Variants in GALNT13 observed in about 807,000 individuals in gnomAD.
The protein encoded by GALNT13 is polypeptide N-acetylgalactosaminyltransferase 13, also known as UDP-GalNAc:polypeptide N-acetylgalactosaminyltransferase 13.
GALNT13 carries 28 observed loss-of-function variants against 64.2 expected under a neutral mutation model. The ratio of observed to expected loss-of-function variants is 0.44; its 90% confidence interval spans 0.32 to 0.60. The LOEUF (loss-of-function observed/expected upper bound fraction) is 0.60. Ranked by LOEUF, GALNT13 falls within the 20% of genes least tolerant of loss-of-function variation. The pLI is 0.05. For missense variants in GALNT13, 577 were observed against 669.8 expected, an observed-to-expected ratio of 0.86 and a Z score of 1.53; for synonymous variants, 214 against 224.6, an observed-to-expected ratio of 0.95 and a Z score of 0.42.
At chr2:153,489,122 A>T in the GALNT13 span, among the ~76,000 whole-genome samples, 1 of 152,286 alleles carries the variant, frequency 6.6e-6, no homozygotes, top group South Asian at 2.1e-4. Context: ...GACCAGAAGG[A>T]TGGGAGAGTT....
intron 3 of GALNT13, among the ~76,000 whole-genome samples, chr2:154,018,790 G>C (rs1322016580): frequency 1.3e-5 from 2 of 151,524 alleles, no homozygotes; most frequent in Non-Finnish European, 2.9e-5. Flanking sequence ...GAAGAGAAGA[G>C]GGAGAGGGAC....
the GALNT13 span, among the ~76,000 whole-genome samples, chr2:153,286,070 A>C: frequency 6.6e-6 from 1 of 152,132 alleles, no homozygotes; most frequent in African/African-American, 2.4e-5. Context: ...AGATTGGCTT[A>C]TCAAAACATT....
the GALNT13 span, among the ~76,000 whole-genome samples, chr2:153,174,474 T>C: frequency 6.6e-6 from 1 of 152,054 alleles, no homozygotes; most frequent in Non-Finnish European, 1.5e-5. Flanking sequence ...TCTATTTTTT[T>C]TTTTTTTTTG....
the GALNT13 span, among the ~76,000 whole-genome samples, chr2:153,489,980 T>TACACACACACAC: frequency 2.0e-5 from 3 of 147,868 alleles, no homozygotes; most frequent in Admixed American, 2.0e-4. Flanking sequence ...GGCCCTGTTT[T>TACACACACACAC]ACACACACAC....
intron 3 of GALNT13, among the ~76,000 whole-genome samples, chr2:154,062,646 T>TGAGAA (rs1481830279): frequency 6.6e-6 from 1 of 152,148 alleles, no homozygotes; most frequent in Non-Finnish European, 1.5e-5. Context: ...CTCACTATCA[T>TGAGAA]GAGAACAGCA....
At chr2:153,081,041 G>T in the GALNT13 span, among the ~76,000 whole-genome samples, 1 of 151,732 alleles carries the variant, frequency 6.6e-6, no homozygotes, top group Non-Finnish European at 1.5e-5. Context: ...ATAAATATGT[G>T]TGCTTCTTAT....
the GALNT13 span, among the ~76,000 whole-genome samples, chr2:153,537,524 G>C: frequency 1.3e-5 from 2 of 152,192 alleles, no homozygotes; most frequent in South Asian, 4.1e-4. Context: ...TTGGGACTCA[G>C]AAAGTACTAC....
chr2:153,238,516 G>T, the GALNT13 span, among the ~76,000 whole-genome samples: 1 of 152,042 alleles, frequency 6.6e-6, no homozygotes, highest in African/African-American at 2.4e-5. Flanking sequence ...TATATGGCAA[G>T]AGATAAGGGT....
chr2:153,231,689 G>A, the GALNT13 span, among the ~76,000 whole-genome samples: 1 of 151,818 alleles, frequency 6.6e-6, no homozygotes, highest in Non-Finnish European at 1.5e-5. Context: ...TATTCTCTTA[G>A]CAAAGGAACC....
the GALNT13 span, among the ~76,000 whole-genome samples, chr2:153,864,514 G>A: frequency 6.6e-6 from 1 of 152,086 alleles, no homozygotes; most frequent in Non-Finnish European, 1.5e-5. Context: ...CATTGATTTT[G>A]TATCCTGAGA....
At chr2:154,309,265 T>G (rs1693905427) in intron 9 of GALNT13, among the ~76,000 whole-genome samples, 1 of 151,790 alleles carries the variant, frequency 6.6e-6, no homozygotes, top group South Asian at 2.1e-4. Flanking sequence ...CAAATGAATC[T>G]CCAACTCCTT....
intron 3 of GALNT13, among the ~76,000 whole-genome samples, chr2:154,052,223 G>C (rs201931497): frequency 2.0e-5 from 3 of 152,242 alleles, no homozygotes; most frequent in East Asian, 3.9e-4. Flanking sequence ...CCTACAGTAG[G>C]TAATCAGGAA....
chr2:154,305,217 C>T (rs1295716524), intron 9 of GALNT13, among the ~76,000 whole-genome samples: 2 of 152,058 alleles, frequency 1.3e-5, no homozygotes, highest in Non-Finnish European at 2.9e-5. Context: ...AAATCATACA[C>T]TTCTTTGCTA....
the GALNT13 span, among the ~76,000 whole-genome samples, chr2:153,130,652 C>T: frequency 6.6e-6 from 1 of 152,148 alleles, no homozygotes; most frequent in African/African-American, 2.4e-5. Context: ...GGCTGATGCT[C>T]TCTCTAGTAT....
intron 9 of GALNT13, among the ~76,000 whole-genome samples, chr2:154,383,857 G>T (rs894406768): frequency 4.6e-5 from 7 of 151,404 alleles, no homozygotes; most frequent in African/African-American, 1.5e-4. Context: ...GTAATTCTAA[G>T]ACATAAAAGC....
At chr2:153,832,949 C>A in the GALNT13 span, among the ~76,000 whole-genome samples, 1 of 152,186 alleles carries the variant, frequency 6.6e-6, no homozygotes, top group South Asian at 2.1e-4. Flanking sequence ...TTTTGCTTTC[C>A]ATGGCTTCAA....
chr2:153,147,140 C>A, the GALNT13 span, among the ~76,000 whole-genome samples: 3 of 144,700 alleles, frequency 2.1e-5, no homozygotes, highest in African/African-American at 5.1e-5. Flanking sequence ...ACCCCCATTC[C>A]CATTTGGGCA....
At chr2:154,233,000 A>AC (rs1435423589) in intron 4 of GALNT13, among the ~76,000 whole-genome samples, 2 of 148,444 alleles carry the variant, frequency 1.3e-5, no homozygotes, top group Non-Finnish European at 3.0e-5. Flanking sequence ...ATATCTTGCC[A>AC]CTGCACTGCA....
At chr2:154,295,467 G>C (rs1692870799) in intron 8 of GALNT13, among the ~76,000 whole-genome samples, 1 of 151,788 alleles carries the variant, frequency 6.6e-6, no homozygotes, top group Non-Finnish European at 1.5e-5. Context: ...GGGTTCAAGT[G>C]ATTCTCCTCC....
Sources: allele counts gnomAD v4.1 joint callset (sites outside exome capture counted in the v4.1 genomes callset), GRCh38; gene constraint gnomAD v4.1.1; transcripts MANE v1.5; gene names NCBI Gene and HGNC (gene_info 2026-07-23, HGNC 2026-07-21).